Variants in CISD3 observed in about 807,000 individuals in gnomAD.
CISD3 encodes CDGSH iron sulfur domain 3, also known as CDGSH iron-sulfur domain-containing protein 3, mitochondrial.
In CISD3, 11 loss-of-function variants were observed where a neutral mutation model predicts 14.1. The observed-to-expected ratio is 0.78, with a 90% confidence interval of 0.49 to 1.29. CISD3 has a LOEUF of 1.29. CISD3 is among the 50% of genes most tolerant of loss of function. The probability of loss-of-function intolerance (pLI) is 0.00; values close to 1 mark genes in which losing one functional copy is unlikely to be tolerated. For missense variants in CISD3, 156 were observed against 171.6 expected (o/e 0.91, Z 0.51); for synonymous variants, 53 against 69.2 (o/e 0.77, Z 1.16).
rs914085585 is a variant in CISD3 at position 38,733,469 on chromosome 17, G to C, written c.*14G>C. 21 of 1,508,600 alleles carry C rather than the reference G, an allele frequency of 1.4e-5. No homozygotes were observed. The African/African-American group carries it at 2.2e-4, about 16-fold the overall frequency. 93.5% of individuals were successfully genotyped at this position (1,508,600 alleles called of 1,614,324 possible). A position where few individuals can be genotyped will look rare whatever the true frequency, so the allele number is the denominator to read the frequency against. On this transcript the variant is annotated 3_prime_UTR_variant, in exon 4 of 4. Coordinates refer to ENST00000613478, the MANE Select transcript of CISD3 (RefSeq NM_001136498.2). ...TCCCCACTCTGAGGGGGCTGCTGCT[G>C]TCCAGCCACAGGTGGCCTTGGCTCC...
chr17:38,735,313 C>A lies in CISD3; in HGVS notation c.*1858C>A, dbSNP rs149121439. On this transcript the variant is annotated 3_prime_UTR_variant, in exon 4 of 4. Coordinates refer to ENST00000613478, the MANE Select transcript of CISD3 (RefSeq NM_001136498.2). ...GTGTCTGCAGGCAGTTCAAGCTACCCCCGTTGGCAGCTGTGGTGGCCCCAC... is the reference window on the plus strand; with the variant it reads ...GTGTCTGCAGGCAGTTCAAGCTACCACCGTTGGCAGCTGTGGTGGCCCCAC... 5 of 1,533,282 alleles carry A rather than the reference C, an allele frequency of 3.3e-6. No individual in the cohort carries two copies. The highest frequency in any genetic ancestry group is 3.8e-5 in the Admixed American group (2 of 52,358). 95.0% of individuals were successfully genotyped at this position (1,533,282 alleles called of 1,614,324 possible). A position where few individuals can be genotyped will look rare whatever the true frequency, so the allele number is the denominator to read the frequency against.
In CISD3 at chr17:38,733,476, C is replaced by T. The variant is rs546761470; in HGVS notation, c.*21C>T. 1 of 1,500,018 alleles carries T rather than the reference C, an allele frequency of 6.7e-7. No homozygotes were observed. The highest frequency in any genetic ancestry group is 1.4e-5 in the African/African-American group (1 of 71,852). 92.9% of individuals were successfully genotyped at this position (1,500,018 alleles called of 1,614,324 possible). ...TCTGAGGGGGCTGCTGCTGTCCAGC[C>T]ACAGGTGGCCTTGGCTCCAGGCCTC... is the stretch of plus-strand genomic sequence containing the variant. On this transcript the variant is annotated 3_prime_UTR_variant, in exon 4 of 4. Transcript: ENST00000613478.
chr17:38,732,938 GACAC>G lies in CISD3; in HGVS notation c.205-311_205-308del, dbSNP rs148830489. 2.5e-4 allele frequency among the ~76,000 whole-genome samples: 29 copies of G among 116,662 alleles called. 1 individual carries two copies. Among genetic ancestry groups the G allele is most frequent in the Admixed American group, 4.7e-4 (5 of 10,562 alleles). 76.5% of individuals were successfully genotyped at this position (116,662 alleles called of 152,430 possible). A position where few individuals can be genotyped will look rare whatever the true frequency, so the allele number is the denominator to read the frequency against. The stretch of plus-strand genomic sequence containing the variant: ...TTTCATGATCCAGTGGAGACTCAGA[GACAC>G]ACACACACACACACACACACACACA... On this transcript the variant is annotated intron_variant, in intron 3 of 3. Coordinates refer to ENST00000613478, the MANE Select transcript of CISD3 (RefSeq NM_001136498.2).
intron 3 of CISD3, chr17:38,731,807 ACAG>A: frequency 6.9e-5 from 17 of 245,802 alleles, no homozygotes; most frequent in South Asian, 4.3e-4. Context: ...CCAAAAGCCT[ACAG>A]CACCTGGTAT....
chr17:38,733,693 C>T lies in CISD3; in HGVS notation c.*238C>T, dbSNP rs188173076. On this transcript the variant is annotated 3_prime_UTR_variant, in exon 4 of 4. Coordinates refer to ENST00000613478, the MANE Select transcript of CISD3 (RefSeq NM_001136498.2). ...GCAAAAACAAGCCTGCCCAACCAGA[C>T]TGGTAGTCCTGCAGTCACTGCTATG... 39 of 525,562 alleles carry T rather than the reference C, an allele frequency of 7.4e-5. 1 individual carries two copies. The Admixed American group carries it at 1.1e-3, about 15-fold the overall frequency. The allele number at this position is 525,562 out of a possible 1,614,324, so 32.6% of individuals were successfully genotyped here. A position where few individuals can be genotyped will look rare whatever the true frequency, so the allele number is the denominator to read the frequency against.
Position 38,735,488 on chromosome 17 carries a change from T to C in CISD3, c.*2033T>C. 6.3e-7 allele frequency: 1 copy of C among 1,593,706 alleles called. No homozygotes were observed. The highest frequency in any genetic ancestry group is 8.5e-7 in the Non-Finnish European group (1 of 1,170,482). On this transcript the variant is annotated 3_prime_UTR_variant, in exon 4 of 4. Transcript: ENST00000613478. ...GCTGGGAGCCTTGTCGCTGACTGAC[T>C]CACACTCGGACGCCCCGCTGGTGTT...
rs1598010008 is a variant in CISD3, at chr17:38,733,523, G to A, written c.*68G>A. The A allele has an allele frequency of 7.0e-6, 10 of 1,425,598 alleles. No individual in the cohort carries two copies. The South Asian group carries it at 1.3e-4, about 19-fold the overall frequency. 88.3% of individuals were successfully genotyped at this position (1,425,598 alleles called of 1,614,324 possible). A position where few individuals can be genotyped will look rare whatever the true frequency, so the allele number is the denominator to read the frequency against. On this transcript the variant is annotated 3_prime_UTR_variant, in exon 4 of 4. Transcript: ENST00000613478. ...CCTCTGACAGGCACCCCCTTCTGTG[G>A]GAAAGGAAACAGGTGCTGAGCCCAA...
At chr17:38,731,184 G>A (rs973146584) in intron 2 of CISD3, 136 bp from the exon 3 acceptor site, 13 of 1,200,660 alleles carry the variant, frequency 1.1e-5, no homozygotes, top group Non-Finnish European at 1.5e-5. Flanking sequence ...GGTCTTGTTG[G>A]GTGGCATCAG....
rs998612373 is a variant in CISD3, at chr17:38,731,301, T to A, written c.85-19T>A. On this transcript the variant is annotated intron_variant, in intron 2 of 3. Transcript: ENST00000613478. Reference sequence around the variant, plus strand: ...AGGGCTTGAGCTAACCCTGAGCCCCTCATCTTCCCTGGCCACAGGCCCAGT... The same window carrying A: ...AGGGCTTGAGCTAACCCTGAGCCCCACATCTTCCCTGGCCACAGGCCCAGT... The A allele has an allele frequency of 6.5e-7, 1 of 1,550,326 alleles. No individual in the cohort carries two copies. The highest frequency in any genetic ancestry group is 8.7e-7 in the Non-Finnish European group (1 of 1,146,744).
chr17:38,733,469 G>A lies in CISD3; in HGVS notation c.*14G>A. The A allele has an allele frequency of 6.6e-7, 1 of 1,508,718 alleles. No individual in the cohort carries two copies. Among genetic ancestry groups the A allele is most frequent in the Non-Finnish European group, 8.9e-7 (1 of 1,123,694 alleles). 93.5% of individuals were successfully genotyped at this position (1,508,718 alleles called of 1,614,324 possible). A position where few individuals can be genotyped will look rare whatever the true frequency, so the allele number is the denominator to read the frequency against. On this transcript the variant is annotated 3_prime_UTR_variant, in exon 4 of 4. Transcript: ENST00000613478. ...TCCCCACTCTGAGGGGGCTGCTGCT[G>A]TCCAGCCACAGGTGGCCTTGGCTCC...
At position 38,730,804 on chromosome 17, in the gene CISD3, C is replaced by T. The variant is rs1598008143; in HGVS notation, c.84+9C>T. The T allele has an allele frequency of 1.3e-6, 2 of 1,551,272 alleles. No individual in the cohort carries two copies. Among genetic ancestry groups the T allele is most frequent in the South Asian group, 1.2e-5 (1 of 84,060 alleles). ...ACATCTCCTCCTGGCTGGTGAGTCCCCCCATCCTCCCCTCCTCCTCGCACA... is the reference window on the plus strand; with the variant it reads ...ACATCTCCTCCTGGCTGGTGAGTCCTCCCATCCTCCCCTCCTCCTCGCACA... On this transcript the variant is annotated intron_variant, in intron 2 of 3. Transcript: ENST00000613478.
Position 38,735,234 on chromosome 17 carries a change from G to T in CISD3, c.*1779G>T, listed in dbSNP as rs775916672. ...GAGGGTCCCTGGCCTCAAGTTAAGG[G>T]GGGCACGGGAGCGCCGTTGACAGTC... is the stretch of plus-strand genomic sequence containing the variant. On this transcript the variant is annotated 3_prime_UTR_variant, in exon 4 of 4. Coordinates refer to ENST00000613478, the MANE Select transcript of CISD3 (RefSeq NM_001136498.2). 4 of 1,429,222 alleles carry T rather than the reference G, an allele frequency of 2.8e-6. No homozygotes were observed. Among genetic ancestry groups the T allele is most frequent in the African/African-American group, 2.9e-5 (2 of 69,872 alleles). 88.5% of individuals were successfully genotyped at this position (1,429,222 alleles called of 1,614,324 possible).
At chr17:38,730,646 C>T in intron 1 of CISD3, 114 bp from the exon 2 acceptor site, 1 of 1,100,058 alleles carries the variant, frequency 9.1e-7, no homozygotes. Context: ...CCCTTCAGCC[C>T]TGTCACCTCC....
rs746398641 is a variant in CISD3, at chr17:38,735,496, G to T, written c.*2041G>T. The T allele has an allele frequency of 1.3e-6, 2 of 1,593,638 alleles. 1 individual carries two copies. Among genetic ancestry groups the T allele is most frequent in the South Asian group, 2.3e-5 (2 of 88,024 alleles). On this transcript the variant is annotated 3_prime_UTR_variant, in exon 4 of 4. Transcript: ENST00000613478. ...CCTTGTCGCTGACTGACTCACACTC[G>T]GACGCCCCGCTGGTGTTGGTGCCCT...
At chr17:38,731,017 C>A in intron 2 of CISD3, 1 of 639,134 alleles carries the variant, frequency 1.6e-6, no homozygotes, top group East Asian at 2.7e-5. Context: ...GTGTGGGTGG[C>A]CCTGCCGTAG....
intron 1 of CISD3, 71 bp downstream of exon 1, chr17:38,730,477 C>T (rs1489936961): frequency 8.5e-7 from 1 of 1,177,698 alleles, no homozygotes; most frequent in Non-Finnish European, 1.1e-6. Flanking sequence ...CCCACTCCAG[C>T]CCCGGCCCGG....
chr17:38,732,531 G>A (rs1906378156), intron 3 of CISD3, among the ~76,000 whole-genome samples: 1 of 152,164 alleles, frequency 6.6e-6, no homozygotes, highest in Admixed American at 6.5e-5. Flanking sequence ...CAGCCATACT[G>A]GAGGCTGAGG....
chr17:38,730,659 CT>C, intron 1 of CISD3, 100 bp from the exon 2 acceptor site: 1 of 1,244,618 alleles, frequency 8.0e-7, no homozygotes, highest in Non-Finnish European at 1.2e-6. Context: ...TCACCTCCTC[CT>C]TCCTAGATGG....
At position 38,735,249 on chromosome 17, in the gene CISD3, C is replaced by T. The variant is rs1201324546; in HGVS notation, c.*1794C>T. On this transcript the variant is annotated 3_prime_UTR_variant, in exon 4 of 4. Transcript: ENST00000613478. The stretch of plus-strand genomic sequence containing the variant: ...CAAGTTAAGGGGGGCACGGGAGCGC[C>T]GTTGACAGTCATCTTGCGCCCCCTG... The T allele has an allele frequency of 2.7e-6, 4 of 1,455,256 alleles. No individual in the cohort carries two copies. Among genetic ancestry groups the T allele is most frequent in the South Asian group, 1.4e-5 (1 of 70,156 alleles). The allele number at this position is 1,455,256 out of a possible 1,614,324, so 90.1% of individuals were successfully genotyped here. A position where few individuals can be genotyped will look rare whatever the true frequency, so the allele number is the denominator to read the frequency against.
Sources: allele counts gnomAD v4.1 joint callset (sites outside exome capture counted in the v4.1 genomes callset), GRCh38; gene constraint gnomAD v4.1.1; transcripts MANE v1.5; gene names NCBI Gene and HGNC (gene_info 2026-07-23, HGNC 2026-07-21).